The following PCDHGA3 variants were observed in gnomAD, a reference collection of about 807,000 sequenced individuals.
The protein encoded by PCDHGA3 is protocadherin gamma subfamily A, 3, also known as protocadherin gamma-A3.
Under a neutral mutation model 58.5 loss-of-function variants are expected in PCDHGA3, and 40 were observed. The ratio of observed to expected loss-of-function variants is 0.68; its 90% CI spans 0.53 to 0.89. The LOEUF (loss-of-function observed/expected upper bound fraction) is 0.89, where lower values mean the gene tolerates loss of function less well. PCDHGA3 is among the 40% of genes least tolerant of loss of function. The pLI, the probability that PCDHGA3 is intolerant of heterozygous loss-of-function variation, is 0.00. For synonymous variants in PCDHGA3, 530 were observed against 525.7 expected (o/e 1.01, Z -0.11); for missense variants, 1,223 against 1,195.9 (o/e 1.02, Z -0.33).
intron 1 of PCDHGA3, chr5:141,360,218 C>T (rs1331722103): frequency 6.2e-7 from 1 of 1,613,378 alleles, no homozygotes; most frequent in African/African-American, 1.3e-5. Context: ...TTCCCCGGGG[C>T]TCTCCCAGTC....
chr5:141,352,656 C>A, intron 1 of PCDHGA3: 1 of 1,597,704 alleles, frequency 6.3e-7, no homozygotes, highest in African/African-American at 1.3e-5. Flanking sequence ...TATGACCCTT[C>A]TTTGTCTTCG....
At chr5:141,361,084 C>CT in intron 1 of PCDHGA3, 2 of 1,613,986 alleles carry the variant, frequency 1.2e-6, no homozygotes, top group Non-Finnish European at 1.7e-6. Flanking sequence ...TAGTTACACT[C>CT]TGAGTATCGA....
At chr5:141,436,105 A>G (rs2097796181) in intron 1 of PCDHGA3, among the ~76,000 whole-genome samples, 2 of 152,198 alleles carry the variant, frequency 1.3e-5, no homozygotes, top group African/African-American at 4.8e-5. Context: ...GAAATAGAGG[A>G]CAATGAAACC....
Position 141,431,364 on chromosome 5 carries a change from G to T in PCDHGA3, c.2425-63443G>T, listed in dbSNP as rs773688069. 3 of 1,613,892 alleles carry T rather than the reference G, an allele frequency of 1.9e-6. No individual in the cohort carries two copies. The East Asian group carries it at 6.7e-5, about 36-fold the overall frequency. ...TTGGTGCTGAAACGCGCCCTGGACC[G>T]CGAAGAAAAGGCTGCTCACCACCTG... On this transcript the variant is annotated intron_variant, in intron 1 of 3. Coordinates refer to ENST00000253812, the MANE Select transcript of PCDHGA3 (RefSeq NM_018916.4). The surrounding 1 kb of genome is among the most constrained non-coding windows in gnomAD (Gnocchi z 4.8).
chr5:141,477,274 G>A lies in PCDHGA3; in HGVS notation c.2425-17533G>A. The A allele has an allele frequency of 2.5e-6, 4 of 1,614,034 alleles. No homozygotes were observed. Among genetic ancestry groups the A allele is most frequent in the East Asian group, 2.2e-5 (1 of 44,880 alleles). ...ACCTGGATGCTGGCGAGAACGGGCT[G>A]GTGACCTGCGAAGTTCCACCGGGTC... On this transcript the variant is annotated intron_variant, in intron 1 of 3. Coordinates refer to ENST00000253812, the MANE Select transcript of PCDHGA3 (RefSeq NM_018916.4). This position sits in a 1 kb window ranked among gnomAD's most constrained non-coding sequence, Gnocchi z 4.9.
rs753724895 is a variant in PCDHGA3, at chr5:141,366,167, G to A, written c.2424+19710G>A. 7 of 1,614,080 alleles carry A rather than the reference G, an allele frequency of 4.3e-6. No homozygotes were observed. In the Admixed American group the frequency reaches 6.7e-5, roughly 15 times the overall value. On this transcript the variant is annotated intron_variant, in intron 1 of 3. Transcript: ENST00000253812. ...GTCCTACCGCCTGCTTAAGGCCAGC[G>A]AGCCAGGACTCTTTGCGGTTGGGCT...
At chr5:141,383,566 T>C (rs1357683326) in intron 1 of PCDHGA3, 2 of 1,613,308 alleles carry the variant, frequency 1.2e-6, no homozygotes, top group Non-Finnish European at 1.7e-6. Context: ...CCCGCCCCGA[T>C]CCAGCACCGC....
At chr5:141,360,020 G>A in intron 1 of PCDHGA3, 1 of 1,294,416 alleles carries the variant, frequency 7.7e-7, no homozygotes, top group South Asian at 1.6e-5. Context: ...CACAGAGAAG[G>A]CCAGTATAGA....
At chr5:141,410,787 T>C in intron 1 of PCDHGA3, 2 of 844,672 alleles carry the variant, frequency 2.4e-6, no homozygotes, top group South Asian at 4.4e-5. Flanking sequence ...TGTATTTGGT[T>C]CATAAGTTGC....
chr5:141,427,928 G>A (rs1178662640), intron 1 of PCDHGA3: 2 of 1,583,504 alleles, frequency 1.3e-6, no homozygotes. Flanking sequence ...GCCGGCGCAT[G>A]TTGGTGGGCG....
chr5:141,371,979 G>T (rs1216406946), intron 1 of PCDHGA3: 1 of 1,613,118 alleles, frequency 6.2e-7, no homozygotes, highest in Non-Finnish European at 8.5e-7. Flanking sequence ...GCGTGCCTTC[G>T]AGCTCACTCT....
chr5:141,429,390 A>ATT (rs1561841316), intron 1 of PCDHGA3, among the ~76,000 whole-genome samples: 8 of 150,216 alleles, frequency 5.3e-5, no homozygotes, highest in African/African-American at 1.7e-4. Flanking sequence ...TTTTTTTTAA[A>ATT]AAAAATTGAG....
At chr5:141,412,906 T>G in intron 1 of PCDHGA3, 1 of 384,208 alleles carries the variant, frequency 2.6e-6, no homozygotes, top group Non-Finnish European at 4.6e-6. Context: ...TTCCATTGCA[T>G]GTATCACTTG....
At chr5:141,450,829 A>ATTTTT (rs373424450) in intron 1 of PCDHGA3, among the ~76,000 whole-genome samples, 3 of 135,122 alleles carry the variant, frequency 2.2e-5, no homozygotes, top group Admixed American at 7.6e-5. Flanking sequence ...TATTATTATT[A>ATTTTT]TTTTTTTTTT....
chr5:141,486,170 C>T lies in PCDHGA3; in HGVS notation c.2425-8637C>T, dbSNP rs759946548. The stretch of plus-strand genomic sequence containing the variant: ...TGGGGGTTCTCCAGCCATGGAGCAA[C>T]ATTGCAGCCTTCGAGTGGATCTGCT... On this transcript the variant is annotated intron_variant, in intron 1 of 3. Coordinates refer to ENST00000253812, the MANE Select transcript of PCDHGA3 (RefSeq NM_018916.4). This position sits in a 1 kb window ranked among gnomAD's most constrained non-coding sequence, Gnocchi z 5.0. The T allele has an allele frequency of 1.5e-5, 24 of 1,614,116 alleles. No individual in the cohort carries two copies. Among genetic ancestry groups the T allele is most frequent in the South Asian group, 4.4e-5 (4 of 91,090 alleles).
chr5:141,357,356 G>A (rs1340462933), intron 1 of PCDHGA3: 1 of 1,614,120 alleles, frequency 6.2e-7, no homozygotes, highest in Non-Finnish European at 8.5e-7. Flanking sequence ...CTGAGACGCT[G>A]GCACAAGTCA....
intron 1 of PCDHGA3, among the ~76,000 whole-genome samples, chr5:141,353,242 C>T (rs1329568635): frequency 6.6e-6 from 1 of 152,048 alleles, no homozygotes; most frequent in Non-Finnish European, 1.5e-5. Context: ...ATAGCAGTGC[C>T]TTTTCTTAGT....
intron 1 of PCDHGA3, chr5:141,392,736 C>T: frequency 2.8e-6 from 4 of 1,429,672 alleles, no homozygotes; most frequent in Non-Finnish European, 3.7e-6. Context: ...TTGTCATCTC[C>T]ATAGCTGCGG....
chr5:141,388,793 T>C, intron 1 of PCDHGA3: 1 of 1,613,918 alleles, frequency 6.2e-7, no homozygotes, highest in South Asian at 1.1e-5. Flanking sequence ...CTGTTTTAAA[T>C]ACATTAGATT....
Sources: gnomAD v4.1 joint callset for allele counts (sites outside exome capture counted in the v4.1 genomes callset) on GRCh38, gnomAD v4.1.1 for gene constraint, Gnocchi (gnomAD v3.1) non-coding constraint, MANE v1.5 for transcripts, NCBI Gene and HGNC (gene_info 2026-07-23, HGNC 2026-07-21) for gene names.